The following LCMT1 variants were observed in gnomAD, a reference collection of about 807,000 sequenced individuals.
LCMT1 encodes leucine carboxyl methyltransferase 1.
A neutral mutation model predicts 47.7 loss-of-function variants in LCMT1; 32 were observed. The ratio of observed to expected loss-of-function variants is 0.67; its 90% CI spans 0.51 to 0.90. The LOEUF is 0.90. LCMT1 is among the 40% of genes least tolerant of loss of function. LCMT1 has a pLI of 0.00. For missense variants in LCMT1, 375 were observed against 415.2 expected, an observed-to-expected ratio of 0.90 and a Z score of 0.84; for synonymous variants, 152 against 149.7, an observed-to-expected ratio of 1.02 and a Z score of -0.11.
At chr16:25,129,725 A>G (rs949175376) in intron 2 of LCMT1, among the ~76,000 whole-genome samples, 3 of 152,190 alleles carry the variant, frequency 2.0e-5, no homozygotes, top group Non-Finnish European at 4.4e-5. Flanking sequence ...AGGTGTCTGG[A>G]CTAATTATGT....
At chr16:25,120,580 G>A (rs1959943867) in intron 1 of LCMT1, among the ~76,000 whole-genome samples, 1 of 151,716 alleles carries the variant, frequency 6.6e-6, no homozygotes, top group Admixed American at 6.6e-5. Context: ...ACAGGCATGT[G>A]CCACCACACG....
At chr16:25,138,001 T>C (rs1769706854) in intron 3 of LCMT1, among the ~76,000 whole-genome samples, 1 of 152,174 alleles carries the variant, frequency 6.6e-6, no homozygotes, top group African/African-American at 2.4e-5. Context: ...ACTGTCTCCA[T>C]GAATGGTTCT....
chr16:25,170,899 T>C, intron 9 of LCMT1, 94 bp downstream of exon 9: 1 of 824,934 alleles, frequency 1.2e-6, no homozygotes, highest in Non-Finnish European at 1.9e-6. Context: ...CAGAACAATA[T>C]GTGGAGATTT....
chr16:25,160,315 C>CAG lies in LCMT1; in HGVS notation c.467-787_467-786insAG, dbSNP rs1555484985. Among the ~76,000 whole-genome samples the CAG allele has an allele frequency of 3.9e-5, 6 of 152,182 alleles. No individual in the cohort carries two copies. In the East Asian group the frequency reaches 1.2e-3, roughly 29 times the overall value. On this transcript the variant is annotated intron_variant, in intron 5 of 10. Transcript: ENST00000399069. ...GAAATTTGGGGTGGAGCCTATCAAT[C>CAG]TGGTTTAGCACGCCACCCAGTTGAT...
At chr16:25,116,762 G>T (rs990548117) in intron 1 of LCMT1, among the ~76,000 whole-genome samples, 23 of 151,694 alleles carry the variant, frequency 1.5e-4, no homozygotes, top group African/African-American at 5.3e-4. Context: ...GTGTCGCGGT[G>T]CATGCCAGTA....
At chr16:25,163,379 G>GAACTGC (rs1317146881) in intron 6 of LCMT1, among the ~76,000 whole-genome samples, 1 of 151,022 alleles carries the variant, frequency 6.6e-6, no homozygotes, top group Non-Finnish European at 1.5e-5. Context: ...CAAGGCAGGG[G>GAACTGC]AACTGCTTGA....
At chr16:25,176,210 C>G (rs1380492716) in intron 10 of LCMT1, among the ~76,000 whole-genome samples, 1 of 152,154 alleles carries the variant, frequency 6.6e-6, no homozygotes, top group African/African-American at 2.4e-5. Flanking sequence ...CAGCTGCCCC[C>G]TGCTGGGCTT....
At chr16:25,121,906 A>G (rs185907679) in intron 1 of LCMT1, among the ~76,000 whole-genome samples, 2 of 152,314 alleles carry the variant, frequency 1.3e-5, no homozygotes, top group Non-Finnish European at 2.9e-5. Context: ...GTCATTTCAC[A>G]GAGATCTGCC....
intron 1 of LCMT1, among the ~76,000 whole-genome samples, chr16:25,122,398 C>T (rs1330390046): frequency 6.6e-6 from 1 of 152,184 alleles, no homozygotes; most frequent in African/African-American, 2.4e-5. Flanking sequence ...CTTGACCTCC[C>T]TGGTGGCTCA....
intron 4 of LCMT1, chr16:25,143,400 T>TC (rs1215053644): frequency 6.6e-6 from 1 of 152,164 alleles, no homozygotes; most frequent in Non-Finnish European, 1.5e-5. Flanking sequence ...CATAATCTAT[T>TC]CCTAAGGTTG....
intron 3 of LCMT1, among the ~76,000 whole-genome samples, chr16:25,134,746 G>A (rs1454617498): frequency 2.0e-5 from 3 of 152,130 alleles, no homozygotes; most frequent in African/African-American, 4.8e-5. Context: ...GATTACAGGC[G>A]TTCACCACCA....
Position 25,170,773 on chromosome 16 carries a change from G to C in LCMT1, c.852G>C (p.Leu284Phe), listed in dbSNP as rs368962767. 4.3e-6 allele frequency: 7 copies of C among 1,613,038 alleles called. No individual in the cohort carries two copies. Among genetic ancestry groups the C allele is most frequent in the Non-Finnish European group, 5.9e-6 (7 of 1,179,312 alleles). Residue 284 changes from leucine to phenylalanine, a missense_variant, in exon 9 of 11, where the codon TTG becomes TTC. Leu to Phe is a conservative substitution (Grantham distance 22). Transcript: ENST00000399069. The stretch of plus-strand genomic sequence containing the variant: ...CATCGGCCGTCGACATGATGGAGTT[G>C]TACAACAGGTTACCTCGAGCTGAAG... ...ETASAVDMME[L>F]YNRLPRAEVS...
intron 3 of LCMT1, among the ~76,000 whole-genome samples, chr16:25,132,789 A>G (rs770059873): frequency 1.3e-5 from 2 of 151,914 alleles, no homozygotes; most frequent in African/African-American, 4.8e-5. Flanking sequence ...GTATGAGTAG[A>G]AATATGTCAG....
chr16:25,117,501 C>T (rs1050668982), intron 1 of LCMT1, among the ~76,000 whole-genome samples: 7 of 152,146 alleles, frequency 4.6e-5, no homozygotes, highest in Admixed American at 2.0e-4. Flanking sequence ...ATCAGCTCCT[C>T]GTGTTCTCCC....
intron 2 of LCMT1, among the ~76,000 whole-genome samples, chr16:25,129,489 G>A (rs549909317): frequency 6.6e-6 from 1 of 152,260 alleles, no homozygotes; most frequent in East Asian, 1.9e-4. Flanking sequence ...ATTTTCATGT[G>A]TTTGAAGCCC....
At chr16:25,128,009 G>A (rs1400992169) in intron 1 of LCMT1, among the ~76,000 whole-genome samples, 1 of 152,174 alleles carries the variant, frequency 6.6e-6, no homozygotes, top group East Asian at 1.9e-4. Context: ...GAAATGATTG[G>A]CACCTAATAC....
At chr16:25,140,496 C>T (rs918409800) in intron 4 of LCMT1, 1 of 465,066 alleles carries the variant, frequency 2.2e-6, no homozygotes, top group Non-Finnish European at 3.9e-6. Context: ...AACACGAGGC[C>T]AACCAAATCT....
chr16:25,141,378 C>G (rs180925940), intron 4 of LCMT1: 1 of 152,222 alleles, frequency 6.6e-6, no homozygotes, highest in African/African-American at 2.4e-5. Context: ...CAGGGTCTCA[C>G]TCTGTCATCC....
intron 2 of LCMT1, among the ~76,000 whole-genome samples, chr16:25,128,876 A>G (rs1960270218): frequency 7.5e-6 from 1 of 133,916 alleles, no homozygotes; most frequent in Non-Finnish European, 1.6e-5. Context: ...CATGACACAG[A>G]GAGGGGAACA....
Sources: gnomAD v4.1 joint callset for allele counts (sites outside exome capture counted in the v4.1 genomes callset) on GRCh38, gnomAD v4.1.1 for gene constraint, MANE v1.5 for transcripts, NCBI Gene and HGNC (gene_info 2026-07-23, HGNC 2026-07-21) for gene names.